AKAP19: variants seen among roughly 807,000 people sequenced by gnomAD.
AKAP19 encodes small A-kinase anchoring protein.
the AKAP19 span, among the ~76,000 whole-genome samples, chr2:190,166,949 A>G: frequency 1.3e-5 from 2 of 152,202 alleles, no homozygotes; most frequent in Non-Finnish European, 2.9e-5. Context: ...ATGAAAGACC[A>G]ATTATTTATT....
At chr2:190,157,618 ATTAC>A in the AKAP19 span, among the ~76,000 whole-genome samples, 1 of 152,122 alleles carries the variant, frequency 6.6e-6, no homozygotes, top group African/African-American at 2.4e-5. Flanking sequence ...TTTGTTTTTA[ATTAC>A]TTAACTATTT....
chr2:190,180,670 C>T, the AKAP19 span: 1 of 985,348 alleles, frequency 1.0e-6, no homozygotes, highest in Non-Finnish European at 1.2e-6. This position sits in a 1 kb window ranked among gnomAD's most constrained non-coding sequence, Gnocchi z 6.8. Flanking sequence ...GAGGAAGTAT[C>T]GAGGCAACCC....
At chr2:190,065,501 A>G in the AKAP19 span, among the ~76,000 whole-genome samples, 1 of 152,208 alleles carries the variant, frequency 6.6e-6, no homozygotes, top group African/African-American at 2.4e-5. Flanking sequence ...AAGGGAAAAA[A>G]GTTCTCATGA....
chr2:190,101,701 A>T, the AKAP19 span, among the ~76,000 whole-genome samples: 1 of 152,160 alleles, frequency 6.6e-6, no homozygotes, highest in Non-Finnish European at 1.5e-5. Flanking sequence ...TACTTCTAGT[A>T]TATAAAAAGA....
At chr2:189,915,292 T>C in the AKAP19 span, among the ~76,000 whole-genome samples, 1 of 152,212 alleles carries the variant, frequency 6.6e-6, no homozygotes, top group Non-Finnish European at 1.5e-5. Flanking sequence ...TCAAGAGTTT[T>C]AAAAGAGCAG....
chr2:189,880,890 T>C, the AKAP19 span, among the ~76,000 whole-genome samples: 1 of 152,194 alleles, frequency 6.6e-6, no homozygotes, highest in African/African-American at 2.4e-5. Flanking sequence ...AGACTTGTTC[T>C]TGGAGTGGAG....
At chr2:190,194,339 T>A in the AKAP19 span, among the ~76,000 whole-genome samples, 2 of 152,188 alleles carry the variant, frequency 1.3e-5, no homozygotes, top group Non-Finnish European at 2.9e-5. Context: ...TGTGGGTTTG[T>A]CAGTTTTAAG....
At chr2:189,980,933 T>C in the AKAP19 span, among the ~76,000 whole-genome samples, 2 of 152,246 alleles carry the variant, frequency 1.3e-5, no homozygotes, top group African/African-American at 4.8e-5. Context: ...ACTTCCTTTA[T>C]GACAGAGCAT....
chr2:189,941,193 A>G, the AKAP19 span, among the ~76,000 whole-genome samples: 1 of 152,252 alleles, frequency 6.6e-6, no homozygotes, highest in African/African-American at 2.4e-5. Context: ...AAAGCTGAGT[A>G]AATTCACCAC....
the AKAP19 span, among the ~76,000 whole-genome samples, chr2:189,991,703 A>G: frequency 1.3e-4 from 20 of 152,290 alleles, no homozygotes; most frequent in Admixed American, 3.9e-4. Context: ...TAGTTTAACT[A>G]GGTCCCATCT....
the AKAP19 span, chr2:190,181,095 C>G: frequency 2.0e-6 from 2 of 985,562 alleles, no homozygotes; most frequent in Non-Finnish European, 2.4e-6. Context: ...GCGCAGCTGC[C>G]GGGCAACGTG....
At chr2:190,196,648 C>T in the AKAP19 span, among the ~76,000 whole-genome samples, 1 of 151,116 alleles carries the variant, frequency 6.6e-6, no homozygotes, top group Non-Finnish European at 1.5e-5. Flanking sequence ...ATGTTATCTT[C>T]CTTTAAATGG....
the AKAP19 span, among the ~76,000 whole-genome samples, chr2:190,102,616 C>T: frequency 6.6e-6 from 1 of 152,050 alleles, no homozygotes; most frequent in Non-Finnish European, 1.5e-5. Flanking sequence ...AAACATACAA[C>T]CTGCCAAGAT....
chr2:189,959,591 C>T, the AKAP19 span, among the ~76,000 whole-genome samples: 1 of 152,112 alleles, frequency 6.6e-6, no homozygotes, highest in African/African-American at 2.4e-5. Context: ...TGATACATTA[C>T]TAGATTTTGC....
chr2:189,940,623 G>A, the AKAP19 span, among the ~76,000 whole-genome samples: 1 of 147,830 alleles, frequency 6.8e-6, no homozygotes, highest in African/African-American at 2.7e-5. Flanking sequence ...TCCAAAACTT[G>A]AGGAGATAAA....
At chr2:190,143,149 G>T in the AKAP19 span, among the ~76,000 whole-genome samples, 1 of 151,918 alleles carries the variant, frequency 6.6e-6, no homozygotes, top group East Asian at 1.9e-4. Flanking sequence ...GTCAGTCTTA[G>T]CCAGCTTGGT....
At chr2:190,083,193 A>G in the AKAP19 span, among the ~76,000 whole-genome samples, 42 of 152,158 alleles carry the variant, frequency 2.8e-4, no homozygotes, top group Non-Finnish European at 5.9e-4. Context: ...AGCCTGGGCA[A>G]TATGGCAAAA....
chr2:190,048,169 A>G, the AKAP19 span, among the ~76,000 whole-genome samples: 5 of 152,178 alleles, frequency 3.3e-5, no homozygotes, highest in Admixed American at 6.5e-5. Context: ...GCTATTACTA[A>G]ATTCTATGAA....
the AKAP19 span, among the ~76,000 whole-genome samples, chr2:190,131,627 G>C: frequency 6.6e-6 from 1 of 152,210 alleles, no homozygotes; most frequent in African/African-American, 2.4e-5. Flanking sequence ...GGGGTCATTG[G>C]AAGTCCAATT....
Sources: gnomAD v4.1 joint callset for allele counts (sites outside exome capture counted in the v4.1 genomes callset) on GRCh38, gnomAD v4.1.1 for gene constraint, Gnocchi (gnomAD v3.1) non-coding constraint, MANE v1.5 for transcripts, NCBI Gene and HGNC (gene_info 2026-07-23, HGNC 2026-07-21) for gene names.